The following PEX7 variants were observed in gnomAD, a reference collection of about 807,000 sequenced individuals.
PEX7 encodes the protein PTS2 receptor.
PEX7 carries 34 observed loss-of-function variants against 47.5 expected under a neutral mutation model. The observed-to-expected ratio is 0.72, with a 90% CI of 0.54 to 0.95. The LOEUF (loss-of-function observed/expected upper bound fraction) is 0.95. PEX7 is among the 40% of genes least tolerant of loss of function. The pLI is 0.00. For synonymous variants in PEX7, 141 were observed against 148.8 expected (o/e 0.95, Z 0.38); for missense variants, 394 against 400.3 (o/e 0.98, Z 0.13).
At chr6:136,868,551 A>G (rs919754807) in intron 6 of PEX7, among the ~76,000 whole-genome samples, 1 of 152,096 alleles carries the variant, frequency 6.6e-6, no homozygotes, top group Non-Finnish European at 1.5e-5. Context: ...TGTATGTTAG[A>G]TGTTTGGGAA....
chr6:136,850,961 TCTG>T (rs1774734665), intron 5 of PEX7, among the ~76,000 whole-genome samples: 1 of 144,446 alleles, frequency 6.9e-6, no homozygotes, highest in Non-Finnish European at 1.5e-5. Flanking sequence ...GATATTTATT[TCTG>T]CTGTCTTTTT....
At chr6:136,850,160 CAG>C (rs1379712313) in intron 5 of PEX7, among the ~76,000 whole-genome samples, 2 of 151,864 alleles carry the variant, frequency 1.3e-5, no homozygotes, top group Non-Finnish European at 2.9e-5. Context: ...TCTGTTTTAT[CAG>C]AGACTAGGAT....
chr6:136,895,905 G>A (rs1422920705), intron 8 of PEX7, among the ~76,000 whole-genome samples: 7 of 152,174 alleles, frequency 4.6e-5, no homozygotes, highest in Admixed American at 1.3e-4. Flanking sequence ...TTAAAATTAT[G>A]TCTGTGATTC....
At chr6:136,840,966 T>G (rs1774486492) in intron 3 of PEX7, among the ~76,000 whole-genome samples, 1 of 152,202 alleles carries the variant, frequency 6.6e-6, no homozygotes, top group African/African-American at 2.4e-5. Context: ...TTACTCTGCT[T>G]TTTCTTTGTA....
At position 136,900,167 on chromosome 6, in the gene PEX7, A is replaced by G. The variant is rs540436901; in HGVS notation, c.903+1926A>G. On this transcript the variant is annotated intron_variant, in intron 9 of 9. Transcript: ENST00000318471. The surrounding 1 kb of genome is among the most constrained non-coding windows in gnomAD (Gnocchi z 4.2). ...TAAATCCTCCACACATAGTAGGCCT[A>G]CCTTATTAAAAGCAACTTTGTGATG... 1 of 158,076 alleles carries G rather than the reference A, an allele frequency of 6.3e-6. No individual in the cohort carries two copies. Among genetic ancestry groups the G allele is most frequent in the East Asian group, 1.9e-4 (1 of 5,384 alleles). 9.8% of individuals were successfully genotyped at this position (158,076 alleles called of 1,614,324 possible).
intron 3 of PEX7, among the ~76,000 whole-genome samples, chr6:136,831,796 T>A (rs187498844): frequency 6.6e-6 from 1 of 152,358 alleles, no homozygotes; most frequent in East Asian, 1.9e-4. Flanking sequence ...CTCCTTTGAC[T>A]CCATATCTCA....
chr6:136,899,479 A>G (rs1360635851), intron 9 of PEX7, among the ~76,000 whole-genome samples: 6 of 152,120 alleles, frequency 3.9e-5, no homozygotes, highest in African/African-American at 1.4e-4. Flanking sequence ...GCTAACCTCA[A>G]GTGATCCACC....
At chr6:136,822,822 CG>C (rs1161298951) in intron 1 of PEX7, 27 bp downstream of exon 1, 8 of 1,230,126 alleles carry the variant, frequency 6.5e-6, no homozygotes, top group South Asian at 3.3e-5. Context: ...CAGCTGGGGC[CG>C]GGGGGCGGAG....
At chr6:136,847,302 C>T (rs997649661) in intron 5 of PEX7, among the ~76,000 whole-genome samples, 7 of 152,146 alleles carry the variant, frequency 4.6e-5, no homozygotes, top group African/African-American at 1.7e-4. Context: ...GTTGCCTGTT[C>T]ACTCTGATGG....
intron 3 of PEX7, among the ~76,000 whole-genome samples, chr6:136,838,320 G>C (rs1774432914): frequency 6.6e-6 from 1 of 152,166 alleles, no homozygotes; most frequent in Admixed American, 6.5e-5. Flanking sequence ...GAAGGGTAGA[G>C]AAAAAAGTTA....
chr6:136,885,982 A>C (rs192709669), intron 8 of PEX7, among the ~76,000 whole-genome samples: 1 of 152,332 alleles, frequency 6.6e-6, no homozygotes, highest in Non-Finnish European at 1.5e-5. Flanking sequence ...TAATATACAC[A>C]AATACTGGTA....
chr6:136,885,473 G>GT, intron 8 of PEX7, among the ~76,000 whole-genome samples: 1 of 152,276 alleles, frequency 6.6e-6, no homozygotes, highest in East Asian at 1.9e-4. Context: ...TTTGCGTGAT[G>GT]TGAGTCTCTC....
intron 8 of PEX7, among the ~76,000 whole-genome samples, chr6:136,888,570 G>T (rs74542507): frequency 6.6e-6 from 1 of 152,064 alleles, no homozygotes; most frequent in Non-Finnish European, 1.5e-5. Flanking sequence ...TGCATTCCCC[G>T]ATTTGTGTAA....
chr6:136,908,939 C>A (rs959581765), intron 9 of PEX7, among the ~76,000 whole-genome samples: 1 of 152,188 alleles, frequency 6.6e-6, no homozygotes, highest in Non-Finnish European at 1.5e-5. Flanking sequence ...GATACTACTT[C>A]CACCTGAAAG....
At chr6:136,823,160 C>CA (rs761981606) in intron 1 of PEX7, 137 of 985,244 alleles carry the variant, frequency 1.4e-4, no homozygotes, top group Non-Finnish European at 1.6e-4. Flanking sequence ...CTCGGCACAG[C>CA]AGTACGGGGA....
At chr6:136,877,972 G>C (rs1036314927) in intron 8 of PEX7, among the ~76,000 whole-genome samples, 4 of 151,982 alleles carry the variant, frequency 2.6e-5, no homozygotes, top group Non-Finnish European at 4.4e-5. Context: ...TGTCCTCTCT[G>C]ATTTCCTTGA....
chr6:136,902,164 A>T (rs1193202607), intron 9 of PEX7, among the ~76,000 whole-genome samples: 1 of 152,040 alleles, frequency 6.6e-6, no homozygotes, highest in African/African-American at 2.4e-5. Context: ...ATTTAATTTT[A>T]CTCTTTGATC....
At position 136,833,546 on chromosome 6, in the gene PEX7, A is replaced by C. The variant is rs1478537386; in HGVS notation, c.339+7077A>C. Among the ~76,000 whole-genome samples the C allele has an allele frequency of 3.3e-5, 5 of 152,336 alleles. No homozygotes were observed. In the East Asian group the frequency reaches 9.6e-4, roughly 29 times the overall value. On this transcript the variant is annotated intron_variant, in intron 3 of 9. Coordinates refer to ENST00000318471, the MANE Select transcript of PEX7 (RefSeq NM_000288.4). Reference sequence around the variant, plus strand: ...TTTGCATCCTGTTTCTTTTTTAAAAATTGAGGAAATAGTTGGACTTGATAT... The same window carrying C: ...TTTGCATCCTGTTTCTTTTTTAAAACTTGAGGAAATAGTTGGACTTGATAT...
At chr6:136,898,098 G>A (rs1387794209) in intron 8 of PEX7, 44 bp from the exon 9 acceptor site, 1 of 1,146,234 alleles carries the variant, frequency 8.7e-7, no homozygotes, top group Non-Finnish European at 1.3e-6. Context: ...AAGTTTTTTG[G>A]TAGTTTTAGC....
Sources: allele counts gnomAD v4.1 joint callset (sites outside exome capture counted in the v4.1 genomes callset), GRCh38; gene constraint gnomAD v4.1.1; non-coding constraint Gnocchi (gnomAD v3.1); transcripts MANE v1.5; gene names NCBI Gene and HGNC (gene_info 2026-07-23, HGNC 2026-07-21).